SORCS3: variants seen among roughly 807,000 people sequenced by gnomAD.
SORCS3 encodes VPS10 domain-containing receptor SorCS3.
SORCS3 carries 57 observed loss-of-function variants against 146.3 expected under a neutral mutation model. That is an observed-to-expected ratio of 0.39 (90% CI 0.31 to 0.49). The LOEUF (loss-of-function observed/expected upper bound fraction) is 0.49. Ranked by LOEUF, SORCS3 falls within the 20% of genes least tolerant of loss-of-function variation. The pLI is 0.92. For synonymous variants in SORCS3, 653 were observed against 618.5 expected, an observed-to-expected ratio of 1.06 and a Z score of -0.83; for missense variants, 1,341 against 1,575.5, an observed-to-expected ratio of 0.85 and a Z score of 2.52.
intron 2 of SORCS3, among the ~76,000 whole-genome samples, chr10:104,889,623 C>T (rs2018728287): frequency 6.6e-6 from 1 of 152,030 alleles, no homozygotes; most frequent in Non-Finnish European, 1.5e-5. Context: ...CACAAGAACC[C>T]TAAAACAGTA....
chr10:104,961,383 C>T (rs2054794360), intron 3 of SORCS3, among the ~76,000 whole-genome samples: 1 of 152,154 alleles, frequency 6.6e-6, no homozygotes, highest in Non-Finnish European at 1.5e-5. Flanking sequence ...TTACATCTTC[C>T]TTTAATGATC....
chr10:104,745,429 C>T (rs1564673846), intron 1 of SORCS3, among the ~76,000 whole-genome samples: 1 of 152,074 alleles, frequency 6.6e-6, no homozygotes, highest in Non-Finnish European at 1.5e-5. Context: ...ATACAAAAAG[C>T]GGTACATATT....
At chr10:105,038,653 C>A (rs181613239) in intron 4 of SORCS3, among the ~76,000 whole-genome samples, 2 of 151,918 alleles carry the variant, frequency 1.3e-5, no homozygotes, top group East Asian at 3.9e-4. Flanking sequence ...ATAAATTACC[C>A]GTAATCTCAC....
chr10:104,728,021 T>TTCTATCTA (rs56299885), intron 1 of SORCS3, among the ~76,000 whole-genome samples: 1,944 of 146,684 alleles, frequency 0.013, 21 homozygotes, highest in East Asian at 0.024. Flanking sequence ...TATATAACAG[T>TTCTATCTA]TCTATCTATC....
rs1284792424 is a variant in SORCS3, at chr10:105,082,349, C to A, written c.1029-7426C>A. ...AGTTACTTAACAAATGTAGAAGTATCAGTCGGGGAGCTGGGGGAAGAAGAC... is the reference window on the plus strand; with the variant it reads ...AGTTACTTAACAAATGTAGAAGTATAAGTCGGGGAGCTGGGGGAAGAAGAC... On this transcript the variant is annotated intron_variant, in intron 5 of 26. Coordinates refer to ENST00000369701, the MANE Select transcript of SORCS3 (RefSeq NM_014978.3). 4.6e-5 allele frequency among the ~76,000 whole-genome samples: 7 copies of A among 152,074 alleles called. No homozygotes were observed. In the East Asian group the frequency reaches 1.4e-3, roughly 30 times the overall value.
chr10:104,648,176 A>T (rs562587313), intron 1 of SORCS3, among the ~76,000 whole-genome samples: 1 of 152,370 alleles, frequency 6.6e-6, no homozygotes, highest in South Asian at 2.1e-4. Flanking sequence ...TGTGGGACAT[A>T]CTACAGGAAT....
At chr10:105,014,124 TATATA>T (rs2055151848) in intron 4 of SORCS3, among the ~76,000 whole-genome samples, 1 of 147,914 alleles carries the variant, frequency 6.8e-6, no homozygotes, top group South Asian at 2.1e-4. Flanking sequence ...TATATATACA[TATATA>T]TATATAACAA....
At chr10:105,199,107 T>C (rs973854967) in intron 14 of SORCS3, among the ~76,000 whole-genome samples, 1 of 152,180 alleles carries the variant, frequency 6.6e-6, no homozygotes, top group Non-Finnish European at 1.5e-5. Context: ...ATCCAATTCC[T>C]TGAAAGACCT....
chr10:105,068,909 G>T (rs376119443), intron 5 of SORCS3, among the ~76,000 whole-genome samples: 1 of 152,130 alleles, frequency 6.6e-6, no homozygotes, highest in South Asian at 2.1e-4. Context: ...TATATTGAAT[G>T]TAAATCATTG....
intron 5 of SORCS3, among the ~76,000 whole-genome samples, chr10:105,058,383 A>G (rs1375813429): frequency 2.6e-5 from 4 of 152,204 alleles, no homozygotes; most frequent in African/African-American, 9.6e-5. Context: ...TAACATTGCT[A>G]TCTTCATTTA....
chr10:105,150,336 T>G (rs1393312471), intron 9 of SORCS3, among the ~76,000 whole-genome samples: 2 of 152,102 alleles, frequency 1.3e-5, no homozygotes, highest in African/African-American at 4.8e-5. Flanking sequence ...AAATGATAAA[T>G]CAAAGACTGT....
At chr10:105,114,783 T>C (rs2055882495) in intron 7 of SORCS3, among the ~76,000 whole-genome samples, 1 of 152,088 alleles carries the variant, frequency 6.6e-6, no homozygotes, top group Admixed American at 6.6e-5. Flanking sequence ...TAATATTCTA[T>C]AGACCTGGCG....
chr10:104,977,102 A>G (rs546658270), intron 3 of SORCS3, among the ~76,000 whole-genome samples: 1 of 152,252 alleles, frequency 6.6e-6, no homozygotes, highest in East Asian at 1.9e-4. Context: ...GATGGACATC[A>G]AAAATGAAAC....
intron 4 of SORCS3, among the ~76,000 whole-genome samples, chr10:105,017,830 T>C (rs790646): frequency 0.2 from 29,754 of 152,126 alleles, 2,946 homozygotes; most frequent in South Asian, 0.25. Context: ...ACTGAGATCA[T>C]TTTTTATATT....
At chr10:105,167,128 A>G (rs1351246686) in intron 12 of SORCS3, 130 bp from the exon 13 acceptor site, 5 of 659,250 alleles carry the variant, frequency 7.6e-6, no homozygotes, top group Non-Finnish European at 7.6e-6. Flanking sequence ...ACTTGCAAAA[A>G]CTATCTGATA....
intron 3 of SORCS3, among the ~76,000 whole-genome samples, chr10:104,969,570 A>C (rs2054847054): frequency 6.6e-6 from 1 of 152,166 alleles, no homozygotes; most frequent in South Asian, 2.1e-4. Flanking sequence ...CATTCTTCTC[A>C]AAAAGTTGAA....
intron 1 of SORCS3, among the ~76,000 whole-genome samples, chr10:104,679,116 G>C (rs896519385): frequency 3.3e-5 from 5 of 152,200 alleles, no homozygotes; most frequent in Admixed American, 6.5e-5. Flanking sequence ...GCACCATAAA[G>C]AGGAACTATG....
At chr10:104,792,406 A>G (rs1328838362) in intron 1 of SORCS3, among the ~76,000 whole-genome samples, 1 of 152,142 alleles carries the variant, frequency 6.6e-6, no homozygotes, top group Non-Finnish European at 1.5e-5. Context: ...CTTCAGAACC[A>G]CATTGTTGGT....
At chr10:105,017,576 T>G (rs765472016) in intron 4 of SORCS3, among the ~76,000 whole-genome samples, 17 of 152,164 alleles carry the variant, frequency 1.1e-4, no homozygotes, top group East Asian at 1.9e-4. Context: ...ATTAGTAGTA[T>G]TATTATTGGA....
Sources: allele counts gnomAD v4.1 joint callset (sites outside exome capture counted in the v4.1 genomes callset), GRCh38; gene constraint gnomAD v4.1.1; transcripts MANE v1.5; gene names NCBI Gene and HGNC (gene_info 2026-07-23, HGNC 2026-07-21).